Variants in SMAD4 observed in about 807,000 individuals in gnomAD.
SMAD4 encodes MAD homolog 4.
In SMAD4, 7 loss-of-function variants were observed where a neutral mutation model predicts 63.2. The ratio of observed to expected loss-of-function variants is 0.11; its 90% confidence interval spans 0.06 to 0.21. The LOEUF (loss-of-function observed/expected upper bound fraction) is 0.21. Ranked by LOEUF, SMAD4 falls within the 10% of genes least tolerant of loss-of-function variation. SMAD4 has a pLI of 1.00. For missense variants in SMAD4, 312 were observed against 693.8 expected (o/e 0.45, Z 6.18); for synonymous variants, 215 against 235.4 (o/e 0.91, Z 0.79).
At chr18:51,058,485 A>C (rs543382977) in intron 7 of SMAD4, 29 bp downstream of exon 7, 6 of 1,095,046 alleles carry the variant, frequency 5.5e-6, no homozygotes, top group Non-Finnish European at 5.3e-6. Flanking sequence ...TGTAAGGGCT[A>C]TTTTTTTTTT....
chr18:51,080,663 TC>T lies in SMAD4; in HGVS notation c.*2199del, dbSNP rs2144484562. 5.6e-6 allele frequency: 1 copy of T among 177,080 alleles called. No homozygotes were observed. Among genetic ancestry groups the T allele is most frequent in the African/African-American group, 2.4e-5 (1 of 42,392 alleles). The allele number at this position is 177,080 out of a possible 1,614,324, so 11.0% of individuals were successfully genotyped here. On this transcript the variant is annotated 3_prime_UTR_variant, in exon 12 of 12. Transcript: ENST00000342988. ...TTCAACTGATTCTCCTGCCTCAGCC[TC>T]CCTGGTAGCTAGGATTACAGGTGCC...
intron 5 of SMAD4, 132 bp from the exon 6 acceptor site, chr18:51,057,993 A>G (rs1909885858): frequency 5.8e-6 from 6 of 1,030,282 alleles, no homozygotes; most frequent in Middle Eastern, 2.8e-4. Flanking sequence ...CTGATAGGCC[A>G]TGGGTGAGTT....
chr18:51,049,476 G>T (rs1401815048), intron 4 of SMAD4, 152 bp downstream of exon 4: 6 of 658,036 alleles, frequency 9.1e-6, no homozygotes, highest in Non-Finnish European at 1.6e-5. Context: ...GAGGTTAGGG[G>T]CATTTAAAAC....
At chr18:51,064,121 T>G (rs1910088869) in intron 8 of SMAD4, among the ~76,000 whole-genome samples, 1 of 152,210 alleles carries the variant, frequency 6.6e-6, no homozygotes, top group Non-Finnish European at 1.5e-5. Context: ...AAAGTAAGAT[T>G]GTTGAAAGTT....
intron 1 of SMAD4, 88 bp downstream of exon 1, chr18:51,030,711 A>ACGACGG (rs1555683809): frequency 2.7e-5 from 4 of 150,172 alleles, no homozygotes; most frequent in African/African-American, 9.8e-5. Context: ...GCTCCCGACG[A>ACGACGG]CGGCGGCGGC....
At chr18:51,056,460 G>C (rs1909846128) in intron 5 of SMAD4, among the ~76,000 whole-genome samples, 2 of 151,812 alleles carry the variant, frequency 1.3e-5, no homozygotes, top group Non-Finnish European at 2.9e-5. Flanking sequence ...TTTAGAACTT[G>C]TGTCAAAATG....
At chr18:51,049,374 C>G (rs2144407965) in intron 4 of SMAD4, 50 bp downstream of exon 4, 1 of 1,431,520 alleles carries the variant, frequency 7.0e-7, no homozygotes, top group African/African-American at 1.4e-5. Context: ...CCTATCCTCT[C>G]TGTTTTTTTG....
chr18:51,069,140 A>G (rs1910249111), intron 10 of SMAD4, among the ~76,000 whole-genome samples: 1 of 152,142 alleles, frequency 6.6e-6, no homozygotes. Flanking sequence ...TTTTTGAGAC[A>G]GAGTCTTGCT....
Position 51,078,399 on chromosome 18 carries a change from C to T in SMAD4, c.1591C>T (p.Arg531Trp), listed in dbSNP as rs766833269. The T allele has an allele frequency of 6.2e-7, 1 of 1,614,160 alleles. No homozygotes were observed. The highest frequency in any genetic ancestry group is 8.5e-7 in the Non-Finnish European group (1 of 1,179,982). Residue 531 changes from arginine to tryptophan, a missense_variant, in exon 12 of 12, where the codon CGG (arginine) becomes TGG (tryptophan). Transcript: ENST00000342988. Reference protein sequence around the residue: ...TPCWIEIHLHRALQLLDEVLH... With the variant: ...TPCWIEIHLHWALQLLDEVLH... ...TTGCTGGATTGAAATTCACTTACAC[C>T]GGGCCCTCCAGCTCCTAGACGAAGT... is the stretch of plus-strand genomic sequence containing the variant.
At position 51,065,744 on chromosome 18, in the gene SMAD4, CAGA is replaced by C. The variant is rs769122149; in HGVS notation, c.1139+140_1139+142del. The C allele has an allele frequency of 1.4e-3, 923 of 670,200 alleles. 2 individuals are homozygous for C. The highest frequency in any genetic ancestry group is 1.8e-3 in the Non-Finnish European group (736 of 416,312). The allele number at this position is 670,200 out of a possible 1,614,324, so 41.5% of individuals were successfully genotyped here. A position where few individuals can be genotyped will look rare whatever the true frequency, so the allele number is the denominator to read the frequency against. ...AGGAATAAAGGTCATGTTGAAAACT[CAGA>C]ATTTGTAAGCACTCCATCTTAATTG... On this transcript the variant is annotated intron_variant, in intron 9 of 11. Transcript: ENST00000342988.
rs543424132 is a variant in SMAD4 at position 51,059,368 on chromosome 18, C to A, written c.905-498C>A. Among the ~76,000 whole-genome samples the A allele has an allele frequency of 3.0e-4, 46 of 152,300 alleles. 1 individual carries two copies. Among genetic ancestry groups the A allele is most frequent in the African/African-American group, 1.0e-3 (43 of 41,558 alleles). ...AGAGTAATAATAGTAGTATCTACCT[C>A]AAGGGGTGTTCGTAAGAAGTAAACG... On this transcript the variant is annotated intron_variant, in intron 7 of 11. Transcript: ENST00000342988.
At chr18:51,077,040 T>C in intron 11 of SMAD4, 1 of 253,204 alleles carries the variant, frequency 3.9e-6, no homozygotes. Flanking sequence ...TTCTATCTCC[T>C]CCTTTTTTGT....
At chr18:51,052,992 A>T (rs1368362204) in intron 4 of SMAD4, 1 of 152,350 alleles carries the variant, frequency 6.6e-6, no homozygotes, top group African/African-American at 2.4e-5. Flanking sequence ...TTTATTATGG[A>T]TTATCTGGGG....
At chr18:51,037,470 CAT>C (rs983104487) in intron 1 of SMAD4, among the ~76,000 whole-genome samples, 3 of 152,198 alleles carry the variant, frequency 2.0e-5, no homozygotes, top group Non-Finnish European at 4.4e-5. Context: ...TTATACCAAA[CAT>C]ATGAGTCCTC....
intron 9 of SMAD4, 49 bp downstream of exon 9, chr18:51,065,655 C>A (rs2144448362): frequency 1.4e-6 from 2 of 1,459,236 alleles, no homozygotes; most frequent in Non-Finnish European, 1.9e-6. Context: ...GAGCATAGTA[C>A]ATTGTCTTTT....
In SMAD4 at chr18:51,082,388, G is replaced by A; in HGVS notation, c.*3921G>A. On this transcript the variant is annotated 3_prime_UTR_variant, in exon 12 of 12. Transcript: ENST00000342988. Reference sequence around the variant, plus strand: ...TTTCTTTGAACATACCAAGAAGTATGTAAAAAGTCCATGGCCTTATTCATC... The same window carrying A: ...TTTCTTTGAACATACCAAGAAGTATATAAAAAGTCCATGGCCTTATTCATC... The A allele has an allele frequency of 4.4e-6, 1 of 228,116 alleles. No individual in the cohort carries two copies. Among genetic ancestry groups the A allele is most frequent in the Non-Finnish European group, 8.7e-6 (1 of 114,956 alleles). The allele number at this position is 228,116 out of a possible 1,614,324, so 14.1% of individuals were successfully genotyped here.
At chr18:51,041,465 A>AT (rs1688855048) in intron 1 of SMAD4, among the ~76,000 whole-genome samples, 1 of 152,158 alleles carries the variant, frequency 6.6e-6, no homozygotes, top group African/African-American at 2.4e-5. Flanking sequence ...TGGATAATTT[A>AT]TTTTGCGTGT....
chr18:51,059,779 G>GT lies in SMAD4; in HGVS notation c.905-85dup, dbSNP rs1350125015. The GT allele has an allele frequency of 1.7e-4, 165 of 977,066 alleles. 1 individual carries two copies. In the Admixed American group the frequency reaches 2.9e-3, roughly 17 times the overall value. 60.5% of individuals were successfully genotyped at this position (977,066 alleles called of 1,614,324 possible). ...TTTAAACAATTCCTAACCTATAATA[G>GT]TTATATTTAAGTAAGATTTACTGAA... On this transcript the variant is annotated intron_variant, in intron 7 of 11. Coordinates refer to ENST00000342988, the MANE Select transcript of SMAD4 (RefSeq NM_005359.6).
At chr18:51,050,170 C>T (rs1156610779) in intron 4 of SMAD4, among the ~76,000 whole-genome samples, 1 of 151,692 alleles carries the variant, frequency 6.6e-6, no homozygotes, top group Non-Finnish European at 1.5e-5. Flanking sequence ...CCAGCCTGGC[C>T]AACATGGTGA....
Sources: allele counts gnomAD v4.1 joint callset (sites outside exome capture counted in the v4.1 genomes callset), GRCh38; gene constraint gnomAD v4.1.1; transcripts MANE v1.5; gene names NCBI Gene and HGNC (gene_info 2026-07-23, HGNC 2026-07-21).